ZHX2: variants seen among roughly 807,000 people sequenced by gnomAD.
ZHX2 encodes zinc fingers and homeoboxes protein 2.
A neutral mutation model predicts 21.9 loss-of-function variants in ZHX2; 6 were observed. The ratio of observed to expected loss-of-function variants is 0.27; its 90% CI spans 0.15 to 0.54. ZHX2 has a LOEUF of 0.54. Ranked by LOEUF, ZHX2 falls within the 20% of genes least tolerant of loss-of-function variation. The pLI is 0.95. For missense variants in ZHX2, 908 were observed against 1,090.7 expected (o/e 0.83, Z 2.36); for synonymous variants, 434 against 437.1 (o/e 0.99, Z 0.09).
intron 2 of ZHX2, among the ~76,000 whole-genome samples, chr8:122,912,324 A>G (rs1388687043): frequency 1.3e-5 from 2 of 152,224 alleles, no homozygotes. Flanking sequence ...CACCAGCCAC[A>G]GGCTGGCCTG....
intron 3 of ZHX2, among the ~76,000 whole-genome samples, chr8:122,957,752 G>A (rs574956350): frequency 1.1e-3 from 164 of 152,246 alleles, no homozygotes; most frequent in Non-Finnish European, 1.5e-3. Flanking sequence ...ATGACAGGCA[G>A]GAGCCACCGC....
chr8:122,906,790 C>T (rs1453020335), intron 2 of ZHX2, among the ~76,000 whole-genome samples: 3 of 151,286 alleles, frequency 2.0e-5, no homozygotes, highest in Non-Finnish European at 4.4e-5. Context: ...ACTGCCTCAG[C>T]CTCCTGAGTA....
intron 2 of ZHX2, among the ~76,000 whole-genome samples, chr8:122,873,982 T>A (rs1819507433): frequency 6.6e-6 from 1 of 152,202 alleles, no homozygotes; most frequent in Non-Finnish European, 1.5e-5. Context: ...ATGATTACCT[T>A]GTGCCTACCC....
chr8:122,911,964 G>A (rs554868099), intron 2 of ZHX2, among the ~76,000 whole-genome samples: 8 of 152,244 alleles, frequency 5.3e-5, no homozygotes, highest in South Asian at 2.1e-4. Context: ...GGGGACACAC[G>A]CGCTTGAGCA....
Position 122,953,154 on chromosome 8 carries a change from T to C in ZHX2, c.1644T>C (p.Phe548=), listed in dbSNP as rs1813178373. ...AGGTTAAAATCTTGGAAGACAGCTT[T>C]TTGAAAAGTTCTTTTCCTACCCAAG... ...QGQVKILEDS[F]LKSSFPTQAE... is the part of the protein sequence containing the mutation. The change falls in exon 3 of 4, where the codon TTT becomes TTC. Residue 548 remains phenylalanine, a synonymous_variant. Coordinates refer to ENST00000314393, the MANE Select transcript of ZHX2 (RefSeq NM_014943.5). This position sits in a 1 kb window ranked among gnomAD's most constrained non-coding sequence, Gnocchi z 4.6. 6.2e-7 allele frequency: 1 copy of C among 1,613,708 alleles called. No homozygotes were observed. Among genetic ancestry groups the C allele is most frequent in the Non-Finnish European group, 8.5e-7 (1 of 1,180,038 alleles).
intron 1 of ZHX2, among the ~76,000 whole-genome samples, chr8:122,834,294 A>G (rs1818449249): frequency 6.6e-6 from 1 of 152,194 alleles, no homozygotes; most frequent in Non-Finnish European, 1.5e-5. Context: ...AGATCCAAGT[A>G]GGAGGTTTTG....
chr8:122,791,145 C>G (rs1817510977), intron 1 of ZHX2, among the ~76,000 whole-genome samples: 1 of 152,246 alleles, frequency 6.6e-6, no homozygotes, highest in Admixed American at 6.5e-5. Context: ...AGGATAACAG[C>G]AAGGATGGGT....
At chr8:122,855,059 C>T (rs1818996580) in intron 1 of ZHX2, among the ~76,000 whole-genome samples, 1 of 152,166 alleles carries the variant, frequency 6.6e-6, no homozygotes, top group Non-Finnish European at 1.5e-5. Flanking sequence ...TATAAGCATC[C>T]ATACATTCCA....
chr8:122,839,725 G>A (rs1818583696), intron 1 of ZHX2, among the ~76,000 whole-genome samples: 1 of 152,110 alleles, frequency 6.6e-6, no homozygotes, highest in African/African-American at 2.4e-5. Flanking sequence ...GATCGTGGGG[G>A]GTTTGGTTTT....
chr8:122,928,617 A>C (rs1820911881), intron 2 of ZHX2, among the ~76,000 whole-genome samples: 2 of 152,218 alleles, frequency 1.3e-5, no homozygotes, highest in Admixed American at 1.3e-4. Flanking sequence ...AGACTTGGGA[A>C]GGAAGGAAAG....
intron 1 of ZHX2, among the ~76,000 whole-genome samples, chr8:122,833,034 A>T (rs1007218210): frequency 2.7e-4 from 41 of 152,316 alleles, no homozygotes; most frequent in Non-Finnish European, 5.0e-4. Flanking sequence ...ACCTTGAGGT[A>T]GTACACACCA....
At chr8:122,951,204 G>T (rs1012290460) in intron 2 of ZHX2, 88 bp from the exon 3 acceptor site, 2 of 311,500 alleles carry the variant, frequency 6.4e-6, no homozygotes, top group African/African-American at 2.1e-5. Context: ...GTGCCTGTTG[G>T]GCTGGGTCAT....
At chr8:122,907,001 T>C (rs980653172) in intron 2 of ZHX2, among the ~76,000 whole-genome samples, 2 of 152,114 alleles carry the variant, frequency 1.3e-5, no homozygotes, top group African/African-American at 4.8e-5. Flanking sequence ...ATGCAGCTTG[T>C]GAAATTAAAA....
At chr8:122,954,106 G>A (rs1813232150) in intron 3 of ZHX2, 78 bp downstream of exon 3, 2 of 1,321,508 alleles carry the variant, frequency 1.5e-6, no homozygotes, top group Admixed American at 5.6e-5. Flanking sequence ...AATATAGATT[G>A]TAGGGTACAG....
At chr8:122,946,598 G>A (rs893056066) in intron 2 of ZHX2, among the ~76,000 whole-genome samples, 15 of 152,068 alleles carry the variant, frequency 9.9e-5, no homozygotes, top group African/African-American at 3.6e-4. Flanking sequence ...AATAATGCGG[G>A]ATATGGGAAG....
chr8:122,863,879 A>T (rs1487936283), intron 2 of ZHX2, among the ~76,000 whole-genome samples: 1 of 152,066 alleles, frequency 6.6e-6, no homozygotes, highest in Non-Finnish European at 1.5e-5. Context: ...ATATTCTTAG[A>T]ACAGAGAGGG....
intron 2 of ZHX2, among the ~76,000 whole-genome samples, chr8:122,865,179 A>G (rs1038257289): frequency 1.3e-5 from 2 of 148,314 alleles, no homozygotes; most frequent in African/African-American, 5.0e-5. Flanking sequence ...CCCAGGCTGG[A>G]GTGCAGTGGC....
intron 2 of ZHX2, among the ~76,000 whole-genome samples, chr8:122,947,689 C>T (rs1813012091): frequency 6.6e-6 from 1 of 152,068 alleles, no homozygotes; most frequent in African/African-American, 2.4e-5. Flanking sequence ...GCAAAAGCCT[C>T]TCTGTGGGAG....
At chr8:122,940,718 T>C (rs547419775) in intron 2 of ZHX2, among the ~76,000 whole-genome samples, 1 of 152,338 alleles carries the variant, frequency 6.6e-6, no homozygotes, top group African/African-American at 2.4e-5. Flanking sequence ...CAAGGCCACT[T>C]GGAATTTGTG....
Sources: gnomAD v4.1 joint callset for allele counts (sites outside exome capture counted in the v4.1 genomes callset) on GRCh38, gnomAD v4.1.1 for gene constraint, Gnocchi (gnomAD v3.1) non-coding constraint, MANE v1.5 for transcripts, NCBI Gene and HGNC (gene_info 2026-07-23, HGNC 2026-07-21) for gene names.